Variants in MAP3K1 observed in about 807,000 individuals in gnomAD.
MAP3K1 encodes MAP/ERK kinase kinase 1.
Under a neutral mutation model 144.2 loss-of-function variants are expected in MAP3K1, and 36 were observed. The observed-to-expected ratio is 0.25, with a 90% CI of 0.19 to 0.33. The LOEUF is 0.33. Ranked by LOEUF, MAP3K1 falls within the 10% of genes least tolerant of loss-of-function variation. The pLI, the probability that MAP3K1 is intolerant of heterozygous loss-of-function variation, is 1.00. For missense variants in MAP3K1, 1,650 were observed against 1,881.9 expected, an observed-to-expected ratio of 0.88 and a Z score of 2.28; for synonymous variants, 718 against 688.7, an observed-to-expected ratio of 1.04 and a Z score of -0.67.
rs78888935 is a variant in MAP3K1 at position 56,876,377 on chromosome 5, G to C, written c.1965+1067G>C. Among the ~76,000 whole-genome samples, 103 of 151,690 alleles carry C rather than the reference G, an allele frequency of 6.8e-4. 1 individual carries two copies. The East Asian group carries it at 0.018, about 27-fold the overall frequency. On this transcript the variant is annotated intron_variant, in intron 10 of 19. Transcript: ENST00000399503. ...GAATCACTACTTTAATTCTTATCTA[G>C]TCTGTTCTTAAAATTCATGAGCAGT... is the stretch of plus-strand genomic sequence containing the variant.
rs560066508 is a variant in MAP3K1 at position 56,871,300 on chromosome 5, C to T, written c.1302-610C>T. ...TCATTTGGTTGTTTTGATTTCTTTT[C>T]GTTATTCTAAATAATATTGCAGTGG... On this transcript the variant is annotated intron_variant, in intron 6 of 19. Transcript: ENST00000399503. Among the ~76,000 whole-genome samples, 44 of 152,096 alleles carry T rather than the reference C, an allele frequency of 2.9e-4. 1 individual carries two copies. The highest frequency in any genetic ancestry group is 7.7e-4 in the African/African-American group (32 of 41,500).
intron 3 of MAP3K1, chr5:56,861,972 A>T (rs1043543100): frequency 6.6e-6 from 1 of 152,238 alleles, no homozygotes; most frequent in African/African-American, 2.4e-5. Context: ...ATTTTACAGT[A>T]AAACCTGATG....
chr5:56,824,962 A>G (rs750015137), intron 1 of MAP3K1, among the ~76,000 whole-genome samples: 16 of 150,828 alleles, frequency 1.1e-4, no homozygotes, highest in Non-Finnish European at 1.9e-4. Flanking sequence ...TTTTTTTGAG[A>G]CGGAGTCTTA....
intron 9 of MAP3K1, 144 bp downstream of exon 9, chr5:56,873,149 T>A (rs1345526852): frequency 2.6e-6 from 2 of 775,796 alleles, no homozygotes; most frequent in Non-Finnish European, 2.1e-6. Context: ...GAAATTTTAA[T>A]GTTACTTTTG....
At chr5:56,848,092 T>G (rs1747052859) in intron 1 of MAP3K1, among the ~76,000 whole-genome samples, 1 of 95,718 alleles carries the variant, frequency 1.0e-5, no homozygotes, top group Admixed American at 1.0e-4. Flanking sequence ...GAGTCAAAGG[T>G]AATTGACTGC....
intron 1 of MAP3K1, chr5:56,820,896 T>C (rs1746134689): frequency 1.7e-6 from 1 of 595,676 alleles, no homozygotes. Context: ...GGATACAACA[T>C]ATTAGTTTCA....
At chr5:56,886,615 C>G (rs1243966437) in intron 17 of MAP3K1, among the ~76,000 whole-genome samples, 1 of 152,182 alleles carries the variant, frequency 6.6e-6, no homozygotes, top group Non-Finnish European at 1.5e-5. Context: ...CAACACAGGT[C>G]TCCAGATTCC....
At chr5:56,847,191 A>G (rs775247909) in intron 1 of MAP3K1, among the ~76,000 whole-genome samples, 23 of 152,246 alleles carry the variant, frequency 1.5e-4, no homozygotes, top group Non-Finnish European at 2.9e-4. Flanking sequence ...ATGTTTATCC[A>G]TATTTAAACA....
At chr5:56,834,314 T>C (rs1456273287) in intron 1 of MAP3K1, among the ~76,000 whole-genome samples, 2 of 152,022 alleles carry the variant, frequency 1.3e-5, no homozygotes, top group Middle Eastern at 3.2e-3. Context: ...AAAAAGAGAG[T>C]TTAATTCTTG....
chr5:56,820,444 C>G, intron 1 of MAP3K1: 1 of 985,060 alleles, frequency 1.0e-6, no homozygotes, highest in Non-Finnish European at 1.2e-6. Context: ...AGCTAGGTCT[C>G]TACCCTGTGC....
At chr5:56,827,742 T>A (rs1378682227) in intron 1 of MAP3K1, among the ~76,000 whole-genome samples, 1 of 152,106 alleles carries the variant, frequency 6.6e-6, no homozygotes, top group African/African-American at 2.4e-5. Context: ...TGTGTGCCTG[T>A]AATCCCAGCT....
intron 6 of MAP3K1, among the ~76,000 whole-genome samples, chr5:56,869,831 T>G (rs776217610): frequency 2.6e-5 from 4 of 152,216 alleles, no homozygotes; most frequent in Non-Finnish European, 5.9e-5. Context: ...TCTGTAATGC[T>G]GCTGTTAATT....
At chr5:56,823,964 A>C (rs756782012) in intron 1 of MAP3K1, among the ~76,000 whole-genome samples, 1 of 152,230 alleles carries the variant, frequency 6.6e-6, no homozygotes, top group African/African-American at 2.4e-5. Flanking sequence ...ATGCATTAAT[A>C]TAATTATTCT....
intron 1 of MAP3K1, among the ~76,000 whole-genome samples, chr5:56,837,600 T>C (rs1746691929): frequency 6.6e-6 from 1 of 152,234 alleles, no homozygotes; most frequent in South Asian, 2.1e-4. Flanking sequence ...GTACAAATAC[T>C]GGGCATTTGG....
At position 56,895,739 on chromosome 5, in the gene MAP3K1, T is replaced by C; in HGVS notation, c.*2059T>C. 4.3e-6 allele frequency: 1 copy of C among 232,356 alleles called. No individual in the cohort carries two copies. Among genetic ancestry groups the C allele is most frequent in the Non-Finnish European group, 8.5e-6 (1 of 117,486 alleles). 14.4% of individuals were successfully genotyped at this position (232,356 alleles called of 1,614,324 possible). ...TATTTTCTTTGGATCAAAGCTGGAC[T>C]GGAAATTGTATCGTGTAATTATTTT... On this transcript the variant is annotated 3_prime_UTR_variant, in exon 20 of 20. Coordinates refer to ENST00000399503, the MANE Select transcript of MAP3K1 (RefSeq NM_005921.2).
chr5:56,832,680 G>A (rs1054428950), intron 1 of MAP3K1, among the ~76,000 whole-genome samples: 32 of 152,234 alleles, frequency 2.1e-4, no homozygotes, highest in Middle Eastern at 3.4e-3. Context: ...CAAGAGGTAA[G>A]TTTGTTTAAT....
Position 56,882,800 on chromosome 5 carries a change from T to C in MAP3K1, c.3600T>C (p.Asp1200=). 1 of 1,612,136 alleles carries C rather than the reference T, an allele frequency of 6.2e-7. No homozygotes were observed. Among genetic ancestry groups the C allele is most frequent in the South Asian group, 1.1e-5 (1 of 90,786 alleles). The stretch of plus-strand genomic sequence containing the variant: ...CCATGGCAATGTCAGCGTCTCAGGA[T>C]GCCCTCCCCATAGTTCCTCAGCTGC... ...AIAMAMSASQ[D]ALPIVPQLQV... Residue 1200 remains aspartate (D), a synonymous_variant, in exon 14 of 20, where the codon GAT becomes GAC. Transcript: ENST00000399503.
chr5:56,865,636 GA>G (rs1323306174), intron 5 of MAP3K1, among the ~76,000 whole-genome samples, 180 bp downstream of exon 5: 1 of 151,432 alleles, frequency 6.6e-6, no homozygotes, highest in Admixed American at 6.6e-5. Flanking sequence ...CTTCTAGCTT[GA>G]AAAAAACAAA....
In MAP3K1 at chr5:56,882,300, C is replaced by T. The variant is rs1313918279; in HGVS notation, c.3100C>T (p.Pro1034Ser). 3.1e-6 allele frequency: 5 copies of T among 1,613,982 alleles called. No individual in the cohort carries two copies. The highest frequency in any genetic ancestry group is 4.2e-6 in the Non-Finnish European group (5 of 1,180,012). The change falls in exon 14 of 20, where the codon CCT (proline) becomes TCT (serine). Residue 1034 changes from proline (P) to serine (S), a missense_variant. Around this residue, in one of 6 missense-constraint regions of MAP3K1, gnomAD observed 841 missense variants for 886.5 expected, o/e 0.95. Transcript: ENST00000399503. The part of the protein sequence containing the change: ...KFSLQFHRNC[P>S]ENKDSDKLSP... ...TTCTCTACAATTCCACAGAAACTGT[C>T]CTGAAAACAAAGACTCAGATAAACT...
Sources: gnomAD v4.1 joint callset for allele counts (sites outside exome capture counted in the v4.1 genomes callset) on GRCh38, gnomAD v4.1.1 for gene constraint, gnomAD v4.1.1 regional missense constraint, MANE v1.5 for transcripts, NCBI Gene and HGNC (gene_info 2026-07-23, HGNC 2026-07-21) for gene names.